Variants in KRT5 observed in about 807,000 individuals in gnomAD.
KRT5 encodes keratin 5, also known as keratin, type II cytoskeletal 5.
A neutral mutation model predicts 44.0 loss-of-function variants in KRT5; 17 were observed. The ratio of observed to expected loss-of-function variants is 0.39; its 90% CI spans 0.26 to 0.58. The LOEUF is 0.58. KRT5 is among the 20% of genes least tolerant of loss of function. KRT5 has a pLI of 0.61. For synonymous variants in KRT5, 329 were observed against 312.8 expected, an observed-to-expected ratio of 1.05 and a Z score of -0.55; for missense variants, 737 against 785.5, an observed-to-expected ratio of 0.94 and a Z score of 0.74.
At position 52,519,735 on chromosome 12, in the gene KRT5, A is replaced by C; in HGVS notation, c.555+7T>G. The C allele has an allele frequency of 6.2e-7, 1 of 1,613,034 alleles. No individual in the cohort carries two copies. The highest frequency in any genetic ancestry group is 1.3e-5 in the African/African-American group (1 of 74,996). ...ACAGTGATTTTTTACAAAAGATCGT[A>C]GCTCACCTTGTCGATGAAGGAGGCA... is the stretch of plus-strand genomic sequence containing the variant. On this transcript the variant is annotated splice_region_variant and intron_variant, in intron 1 of 8. Coordinates refer to ENST00000252242, the MANE Select transcript of KRT5 (RefSeq NM_000424.4).
At position 52,515,171 on chromosome 12, in the gene KRT5, C is replaced by T; in HGVS notation, c.1544G>A (p.Gly515Asp). Residue 515 changes from glycine to aspartate, a missense_variant, in exon 9 of 9, where the codon GGT becomes GAT. This residue lies in a region of KRT5 where 344 missense variants were observed against 351.6 expected (regional missense o/e 0.98). Coordinates refer to ENST00000252242, the MANE Select transcript of KRT5 (RefSeq NM_000424.4). ...ACCTCCACCGAGGCCGCCGCCAAGACCTCCACCGAGGCCACCGCCATAGCC... is the reference window on the plus strand; with the variant it reads ...ACCTCCACCGAGGCCGCCGCCAAGATCTCCACCGAGGCCACCGCCATAGCC... ...GSGYGGGLGG[G>D]LGGGLGGGLA... The T allele has an allele frequency of 6.2e-7, 1 of 1,612,650 alleles. No homozygotes were observed. Among genetic ancestry groups the T allele is most frequent in the Non-Finnish European group, 8.5e-7 (1 of 1,179,732 alleles).
In KRT5 at chr12:52,517,972, C is replaced by T; in HGVS notation, c.852G>A (p.Met284Ile). The T allele has an allele frequency of 6.2e-7, 1 of 1,614,152 alleles. No individual in the cohort carries two copies. The part of the protein sequence containing the change: ...MLKKDVDAAY[M>I]NKVELEAKVD... ...CCTTGGCCTCCAGCTCCACCTTGTT[C>T]ATGTAGGCAGCATCTACATCCTGGG... is the stretch of plus-strand genomic sequence containing the variant. The change falls in exon 4 of 9, where the codon ATG (methionine) becomes ATA (isoleucine). Residue 284 changes from methionine to isoleucine, a missense_variant. Met to Ile is a conservative substitution (Grantham distance 10). Around this residue, in one of 5 missense-constraint regions of KRT5, gnomAD observed 59 missense variants for 62.5 expected, o/e 0.94. Transcript: ENST00000252242.
At position 52,519,007 on chromosome 12, in the gene KRT5, G is replaced by T; in HGVS notation, c.709C>A (p.Arg237=). The change falls in exon 2 of 9, where the codon CGG becomes AGG. Residue 237 remains arginine, a synonymous_variant. Coordinates refer to ENST00000252242, the MANE Select transcript of KRT5 (RefSeq NM_000424.4). ...CTCAGCTCTGAGTCCAGGCGGCCCC[G>T]TTCCCCCACGATGCTGTCCAGCTGC... ...RRQLDSIVGE[R]GRLDSELRNM... 1 of 1,614,112 alleles carries T rather than the reference G, an allele frequency of 6.2e-7. No homozygotes were observed. Among genetic ancestry groups the T allele is most frequent in the Non-Finnish European group, 8.5e-7 (1 of 1,180,020 alleles).
At position 52,515,056 on chromosome 12, in the gene KRT5, G is replaced by T. The variant is rs752438760; in HGVS notation, c.1659C>A (p.Phe553Leu). ...CCAGCCCTCGGCCACTGCTTGCACT[G>T]AAGCCAGAGCCCCCCACACTGAGCC... is the stretch of plus-strand genomic sequence containing the variant. ...GGGLSVGGSG[F>L]SASSGRGLGV... The change falls in exon 9 of 9, where the codon TTC (phenylalanine) becomes TTA (leucine). Residue 553 changes from phenylalanine to leucine, a missense_variant. Phe to Leu is a conservative substitution (Grantham distance 22). Around this residue, in one of 5 missense-constraint regions of KRT5, gnomAD observed 344 missense variants for 351.6 expected, o/e 0.98. Transcript: ENST00000252242. 4 of 1,608,294 alleles carry T rather than the reference G, an allele frequency of 2.5e-6. No homozygotes were observed. The highest frequency in any genetic ancestry group is 2.5e-6 in the Non-Finnish European group (3 of 1,178,710).
intron 8 of KRT5, chr12:52,515,469 C>T: frequency 1.5e-6 from 1 of 646,896 alleles, no homozygotes; most frequent in Non-Finnish European, 2.7e-6. Context: ...GAGCTAGGTA[C>T]TACAGGGAGC....
At chr12:52,516,163 G>A (rs370356547) in intron 7 of KRT5, 9 of 468,634 alleles carry the variant, frequency 1.9e-5, no homozygotes, top group South Asian at 2.6e-5. Flanking sequence ...AACTTGGCAC[G>A]GACAGAAATT....
Sources: allele counts gnomAD v4.1 joint callset, GRCh38; gene constraint gnomAD v4.1.1; regional missense constraint gnomAD v4.1.1; transcripts MANE v1.5; gene names NCBI Gene and HGNC (gene_info 2026-07-23, HGNC 2026-07-21).